Variants in ZNF790 observed in about 807,000 individuals in gnomAD.
The protein encoded by ZNF790 is zinc finger protein 790.
A neutral mutation model predicts 12.1 loss-of-function variants in ZNF790; 8 were observed. The observed-to-expected ratio is 0.66, with a 90% CI of 0.39 to 1.19. ZNF790 has a LOEUF of 1.19. Among genes scored for constraint, ZNF790 ranks in the 50% most tolerant of loss-of-function variants. ZNF790 has a pLI of 0.01. For synonymous variants in ZNF790, 252 were observed against 244.3 expected (o/e 1.03, Z -0.29); for missense variants, 707 against 752.2 (o/e 0.94, Z 0.70).
chr19:36,820,876 C>CA (rs2071652023), intron 4 of ZNF790, among the ~76,000 whole-genome samples: 4 of 146,912 alleles, frequency 2.7e-5, no homozygotes, highest in South Asian at 2.1e-4. Context: ...GCATGGGTGA[C>CA]AGAGTGAGAC....
chr19:36,846,284 C>G (rs760001494), intron 1 of ZNF790, among the ~76,000 whole-genome samples: 1 of 152,116 alleles, frequency 6.6e-6, no homozygotes, highest in Non-Finnish European at 1.5e-5. Flanking sequence ...TGAGGCCAGG[C>G]GCAGTGGCTC....
At chr19:36,849,703 G>A (rs1360727744) in intron 1 of ZNF790, among the ~76,000 whole-genome samples, 1 of 151,832 alleles carries the variant, frequency 6.6e-6, no homozygotes, top group East Asian at 1.9e-4. Flanking sequence ...AGACTTGGAG[G>A]TTCAGATTCC....
Position 36,818,879 on chromosome 19 carries a change from G to A in ZNF790, c.1465C>T (p.Arg489Cys), listed in dbSNP as rs79499850. 3.8e-3 allele frequency: 6,079 copies of A among 1,612,218 alleles called. 17 individuals carry two copies. Among genetic ancestry groups the A allele is most frequent in the Non-Finnish European group, 4.8e-3 (5,647 of 1,179,508 alleles). The change falls in exon 5 of 5, where the codon CGT becomes TGT. Residue 489 changes from arginine to cysteine, a missense_variant. Arg to Cys is a radical substitution (Grantham distance 180). Coordinates refer to ENST00000356725, the MANE Select transcript of ZNF790 (RefSeq NM_206894.4). Reference protein sequence around the residue: ...ECKECGKTFFRGSELNRHQKI... With the variant: ...ECKECGKTFFCGSELNRHQKI... Reference sequence around the variant, plus strand: ...TGGTGTCGATTAAGTTCTGAACCACGAAAAAAGGTCTTTCCACATTCCTTA... The same window carrying A: ...TGGTGTCGATTAAGTTCTGAACCACAAAAAAAGGTCTTTCCACATTCCTTA...
At chr19:36,828,971 ATATC>A (rs1263346496) in intron 1 of ZNF790, among the ~76,000 whole-genome samples, 2 of 152,210 alleles carry the variant, frequency 1.3e-5, no homozygotes, top group African/African-American at 4.8e-5. Context: ...CAAATGAGGA[ATATC>A]CATTCCCATG....
In ZNF790 at chr19:36,823,710, A is replaced by G; in HGVS notation, c.90T>C (p.Tyr30=). ...TGTAGTTCTCCAACATCACATCTCT[A>G]TATAAATCCCTCTGTTCCAGGTCCA... ...ECLDLEQRDL[Y]RDVMLENYSN... Residue 30 remains tyrosine, a synonymous_variant, in exon 3 of 5, where the codon TAT becomes TAC. Coordinates refer to ENST00000356725, the MANE Select transcript of ZNF790 (RefSeq NM_206894.4). 1 of 1,613,540 alleles carries G rather than the reference A, an allele frequency of 6.2e-7. No homozygotes were observed. Among genetic ancestry groups the G allele is most frequent in the Non-Finnish European group, 8.5e-7 (1 of 1,179,802 alleles).
At position 36,819,916 on chromosome 19, in the gene ZNF790, C is replaced by T. The variant is rs776194677; in HGVS notation, c.428G>A (p.Arg143His). 3.0e-5 allele frequency: 48 copies of T among 1,613,930 alleles called. No individual in the cohort carries two copies. The highest frequency in any genetic ancestry group is 5.3e-5 in the African/African-American group (4 of 74,914). The change falls in exon 5 of 5, where the codon CGC (arginine) becomes CAC (histidine). Residue 143 changes from arginine (R) to histidine (H), a missense_variant. By Grantham distance (29) the Arg-to-His change is conservative (BLOSUM62 0). Transcript: ENST00000356725. ...AAAAGTGGGCCTTTTTTCACAGGTG[C>T]GTATCACCTGCTTGAAGCATTCCTC... ...NQEECFKQVIRTCEKRPTFNQ... is the reference protein window; with the variant it reads ...NQEECFKQVIHTCEKRPTFNQ...
At position 36,817,822 on chromosome 19, in the gene ZNF790, C is replaced by A. The variant is rs1012620934; in HGVS notation, c.*611G>T. 3.3e-5 allele frequency: 5 copies of A among 151,906 alleles called. No homozygotes were observed. The highest frequency in any genetic ancestry group is 1.2e-4 in the African/African-American group (5 of 41,360). 9.4% of individuals were successfully genotyped at this position (151,906 alleles called of 1,614,324 possible). A position where few individuals can be genotyped will look rare whatever the true frequency, so the allele number is the denominator to read the frequency against. On this transcript the variant is annotated 3_prime_UTR_variant, in exon 5 of 5. Coordinates refer to ENST00000356725, the MANE Select transcript of ZNF790 (RefSeq NM_206894.4). ...TTCCAAAATGAATTATATATAAATT[C>A]TTGTGGGTTTTTGTTTTTGAGATGG...
chr19:36,844,834 G>C lies in ZNF790; in HGVS notation c.-74+5168C>G, dbSNP rs1012155337. Among the ~76,000 whole-genome samples, 7 of 151,116 alleles carry C rather than the reference G, an allele frequency of 4.6e-5. No individual in the cohort carries two copies. The South Asian group carries it at 1.3e-3, about 27-fold the overall frequency. On this transcript the variant is annotated intron_variant, in intron 1 of 4. Coordinates refer to the ZNF790 transcript ENST00000528994. The stretch of plus-strand genomic sequence containing the variant: ...GAGGCCGAGGCGGGCGGATCACGAG[G>C]TCAGGAGATCGAGACCATCCCGGCT...
chr19:36,839,270 TTTC>T (rs1220909702), upstream of ZNF790, among the ~76,000 whole-genome samples: 1 of 152,252 alleles, frequency 6.6e-6, no homozygotes, highest in African/African-American at 2.4e-5. Context: ...AAAATAGTTG[TTTC>T]TTTTTTTATT....
chr19:36,845,658 T>C (rs974519331), intron 1 of ZNF790, among the ~76,000 whole-genome samples: 1 of 152,178 alleles, frequency 6.6e-6, no homozygotes, highest in Non-Finnish European at 1.5e-5. Context: ...GAAAGAGGAA[T>C]GCTGTAATCT....
intron 1 of ZNF790, among the ~76,000 whole-genome samples, chr19:36,833,358 G>A (rs2071979926): frequency 6.6e-6 from 1 of 152,154 alleles, no homozygotes; most frequent in Non-Finnish European, 1.5e-5. Context: ...GGTCAGGCTG[G>A]TCTCGAACTC....
chr19:36,820,140 C>T, intron 4 of ZNF790, 26 bp from the exon 5 acceptor site: 1 of 1,582,214 alleles, frequency 6.3e-7, no homozygotes, highest in Non-Finnish European at 8.5e-7. Context: ...GTAAAAACAT[C>T]ATACGGTTGT....
chr19:36,844,538 G>C (rs114799969), intron 1 of ZNF790, among the ~76,000 whole-genome samples: 40 of 152,098 alleles, frequency 2.6e-4, no homozygotes, highest in African/African-American at 9.2e-4. Flanking sequence ...TAGAGACAGC[G>C]TGGAGAAGAA....
At chr19:36,833,701 G>T (rs1022066491) in intron 1 of ZNF790, among the ~76,000 whole-genome samples, 2 of 152,130 alleles carry the variant, frequency 1.3e-5, no homozygotes, top group African/African-American at 4.8e-5. Context: ...AGAAAGGATG[G>T]TCTTGAATAC....
intron 1 of ZNF790, among the ~76,000 whole-genome samples, chr19:36,845,410 C>G (rs2072171384): frequency 7.8e-6 from 1 of 127,456 alleles, no homozygotes; most frequent in Non-Finnish European, 1.8e-5. Context: ...GTCCCTGTTT[C>G]CAAAAAAAAA....
In ZNF790 at chr19:36,818,785, T is replaced by G. The variant is rs1177377704; in HGVS notation, c.1559A>C (p.Gln520Pro). ...ECGKAFLWGS[Q>P]LTRHQRMHTG... ...ATGCATTCTCTGATGTCGAGTAAGT[T>G]GTGAACCCCAGAGAAAGGCTTTTCC... Residue 520 changes from glutamine to proline, a missense_variant, in exon 5 of 5, where the codon CAA (glutamine) becomes CCA (proline). Physicochemically the swap from Gln to Pro is moderately conservative, Grantham distance 76. Transcript: ENST00000356725. 3 of 1,610,700 alleles carry G rather than the reference T, an allele frequency of 1.9e-6. No homozygotes were observed.
chr19:36,842,274 C>A (rs991561591), upstream of ZNF790, among the ~76,000 whole-genome samples: 1 of 152,058 alleles, frequency 6.6e-6, no homozygotes, highest in African/African-American at 2.4e-5. Flanking sequence ...CAAAACTCAA[C>A]AAGTAAACAA....
chr19:36,820,628 G>A (rs1174339269), intron 4 of ZNF790, among the ~76,000 whole-genome samples: 1 of 152,180 alleles, frequency 6.6e-6, no homozygotes, highest in Non-Finnish European at 1.5e-5. Flanking sequence ...TGAAGGCCAG[G>A]TACAGTGATT....
In ZNF790 at chr19:36,819,566, C is replaced by T. The variant is rs755433627; in HGVS notation, c.778G>A (p.Gly260Arg). The stretch of plus-strand genomic sequence containing the variant: ...TGTGAATGAAATCTAAAGGCTTTCC[C>T]ACAATCCTTACATTTAAAAGGTTTC... ...GEKPFKCKDCGKAFRFHSQLS... is the reference protein window; with the variant it reads ...GEKPFKCKDCRKAFRFHSQLS... Residue 260 changes from glycine (G) to arginine (R), a missense_variant, in exon 5 of 5, where the codon GGG becomes AGG. Transcript: ENST00000356725. 1 of 1,612,020 alleles carries T rather than the reference C, an allele frequency of 6.2e-7. No homozygotes were observed. Among genetic ancestry groups the T allele is most frequent in the Admixed American group, 1.7e-5 (1 of 59,698 alleles).
Sources: allele counts gnomAD v4.1 joint callset (sites outside exome capture counted in the v4.1 genomes callset), GRCh38; gene constraint gnomAD v4.1.1; transcripts MANE v1.5; gene names NCBI Gene and HGNC (gene_info 2026-07-23, HGNC 2026-07-21).